Variants in KCNMA1 observed in about 807,000 individuals in gnomAD.
KCNMA1 encodes the protein potassium calcium-activated channel subfamily M alpha 1, also known as Calcium-activated potassium channel subunit alpha-1.
Under a neutral mutation model 140.0 loss-of-function variants are expected in KCNMA1, and 29 were observed. That is an observed-to-expected ratio of 0.21 (90% CI 0.15 to 0.28). The LOEUF is 0.28. Among genes scored for constraint, KCNMA1 ranks in the 10% least tolerant of loss-of-function variants. The pLI is 1.00. For missense variants in KCNMA1, 880 were observed against 1,602.2 expected, an observed-to-expected ratio of 0.55 and a Z score of 7.70; for synonymous variants, 612 against 611.9, an observed-to-expected ratio of 1.00 and a Z score of 0.00.
At position 77,614,465 on chromosome 10, in the gene KCNMA1, G is replaced by A. The variant is rs77254318; in HGVS notation, c.378+22800C>T. On this transcript the variant is annotated intron_variant, in intron 1 of 27. Transcript: ENST00000286628. ...CATGCGGAATTCTCCGGGGCTCATC[G>A]CCATCCCTCACCTAACCAGTGCTTT... 4.3e-3 allele frequency among the ~76,000 whole-genome samples: 655 copies of A among 152,304 alleles called. 1 individual carries two copies. The highest frequency in any genetic ancestry group is 0.034 in the Middle Eastern group (10 of 294).
At chr10:77,347,902 T>C (rs1243467687) in intron 2 of KCNMA1, among the ~76,000 whole-genome samples, 2 of 152,188 alleles carry the variant, frequency 1.3e-5, no homozygotes, top group Non-Finnish European at 2.9e-5. Context: ...CCCTGTGAAG[T>C]AGATGCTTTT....
chr10:77,548,902 T>C (rs1177695607), intron 1 of KCNMA1, among the ~76,000 whole-genome samples: 1 of 152,202 alleles, frequency 6.6e-6, no homozygotes, highest in Non-Finnish European at 1.5e-5. Context: ...ATTCCCTGCC[T>C]TGTGGAGCTT....
intron 1 of KCNMA1, among the ~76,000 whole-genome samples, chr10:77,495,823 A>C (rs2041711466): frequency 2.0e-5 from 3 of 152,104 alleles, no homozygotes; most frequent in Non-Finnish European, 4.4e-5. Context: ...AGACCCCCAC[A>C]CCAGGGACTG....
chr10:77,525,884 GTCCTGTCTAGTTTACA>G (rs2055423453), intron 1 of KCNMA1, among the ~76,000 whole-genome samples: 1 of 152,152 alleles, frequency 6.6e-6, no homozygotes, highest in Non-Finnish European at 1.5e-5. Context: ...CAGCTGGTGG[GTCCTGTCTAGTTTACA>G]TCAGGGCATT....
intron 14 of KCNMA1, among the ~76,000 whole-genome samples, chr10:77,058,865 A>G (rs1414030741): frequency 6.6e-6 from 1 of 152,026 alleles, no homozygotes; most frequent in Non-Finnish European, 1.5e-5. Context: ...AGAGGAGCAA[A>G]GTAAATCTAA....
chr10:77,252,850 C>T (rs2059944988), intron 2 of KCNMA1, among the ~76,000 whole-genome samples: 1 of 152,018 alleles, frequency 6.6e-6, no homozygotes, highest in African/African-American at 2.4e-5. Flanking sequence ...TAAAACAATA[C>T]ACCACTGAGG....
At chr10:77,079,654 G>A in intron 12 of KCNMA1, 104 bp from the exon 13 acceptor site, 1 of 800,488 alleles carries the variant, frequency 1.2e-6, no homozygotes, top group Non-Finnish European at 2.2e-6. Flanking sequence ...TGGGACTGAG[G>A]TAGGAGGCAG....
Position 77,201,704 on chromosome 10 carries a change from CT to C in KCNMA1, c.603-16789del, listed in dbSNP as rs143034305. Among the ~76,000 whole-genome samples, 18 of 152,178 alleles carry C rather than the reference CT, an allele frequency of 1.2e-4. No homozygotes were observed. The East Asian group carries it at 3.5e-3, about 29-fold the overall frequency. ...GCTTATTTTTAAGTTATTTCTTTTT[CT>C]TTTTAAAATTTGGTTTCTCACAAGA... On this transcript the variant is annotated intron_variant, in intron 3 of 27. Transcript: ENST00000286628.
rs866814356 is a variant in KCNMA1, at chr10:76,890,854, G to T, written c.3342+671C>A. Among the ~76,000 whole-genome samples, 4 of 152,172 alleles carry T rather than the reference G, an allele frequency of 2.6e-5. No individual in the cohort carries two copies. In the South Asian group the frequency reaches 8.3e-4, roughly 32 times the overall value. ...AGGGAGGACATGAGGGAACGTGACT[G>T]GGTCCACTCTCAGAAATTACAAGGT... On this transcript the variant is annotated intron_variant, in intron 26 of 27. Transcript: ENST00000286628.
intron 9 of KCNMA1, among the ~76,000 whole-genome samples, chr10:77,105,789 C>T (rs910355969): frequency 2.0e-5 from 3 of 152,170 alleles, no homozygotes; most frequent in Non-Finnish European, 1.5e-5. Flanking sequence ...AGAAATAGAA[C>T]AACTGTAGTT....
chr10:77,257,640 G>A (rs1167760399), intron 2 of KCNMA1, among the ~76,000 whole-genome samples: 1 of 152,198 alleles, frequency 6.6e-6, no homozygotes, highest in Non-Finnish European at 1.5e-5. Flanking sequence ...ATCTTATCTT[G>A]AACTGTCGCT....
At chr10:77,503,803 C>T (rs1047814276) in intron 1 of KCNMA1, among the ~76,000 whole-genome samples, 1 of 152,214 alleles carries the variant, frequency 6.6e-6, no homozygotes, top group African/African-American at 2.4e-5. Flanking sequence ...GTTTGAGCTG[C>T]CACAAGTGCT....
intron 1 of KCNMA1, among the ~76,000 whole-genome samples, chr10:77,525,760 G>A (rs757507761): frequency 3.3e-5 from 5 of 152,200 alleles, no homozygotes; most frequent in Non-Finnish European, 7.3e-5. Context: ...GCTATTCATG[G>A]AGGCAAAAGA....
intron 2 of KCNMA1, among the ~76,000 whole-genome samples, chr10:77,294,104 AG>A (rs1326664058): frequency 8.5e-5 from 13 of 152,392 alleles, no homozygotes; most frequent in African/African-American, 2.9e-4. Flanking sequence ...CAACGTGGAC[AG>A]ACAAAAGAAA....
intron 3 of KCNMA1, among the ~76,000 whole-genome samples, chr10:77,235,013 G>A (rs966772833): frequency 6.6e-6 from 1 of 152,112 alleles, no homozygotes; most frequent in African/African-American, 2.4e-5. Flanking sequence ...GCCACAGCAG[G>A]AAAACCCCTT....
intron 2 of KCNMA1, among the ~76,000 whole-genome samples, chr10:77,270,672 C>T (rs1257751459): frequency 5.5e-5 from 8 of 145,870 alleles, no homozygotes; most frequent in Non-Finnish European, 1.5e-5. Context: ...CAGGTGCACA[C>T]CACCACACCT....
In KCNMA1 at chr10:76,885,823, C is replaced by A. The variant is rs115167539; in HGVS notation, c.*1443G>T. On this transcript the variant is annotated 3_prime_UTR_variant, in exon 28 of 28. Transcript: ENST00000286628. Reference sequence around the variant, plus strand: ...GTATTTTTCTACCTCTCCTCTCATGCTTACTAAGTGTTAAAAAAGAAAGAA... The same window carrying A: ...GTATTTTTCTACCTCTCCTCTCATGATTACTAAGTGTTAAAAAAGAAAGAA... 6.6e-5 allele frequency: 65 copies of A among 984,998 alleles called. No homozygotes were observed. In the African/African-American group the frequency reaches 1.1e-3, roughly 17 times the overall value. The allele number at this position is 984,998 out of a possible 1,614,324, so 61.0% of individuals were successfully genotyped here. A position where few individuals can be genotyped will look rare whatever the true frequency, so the allele number is the denominator to read the frequency against.
At chr10:77,270,812 T>G (rs576983922) in intron 2 of KCNMA1, among the ~76,000 whole-genome samples, 1 of 152,220 alleles carries the variant, frequency 6.6e-6, no homozygotes, top group South Asian at 2.1e-4. Context: ...TTTAGAGGCT[T>G]GAGGGTAAAC....
At chr10:76,997,351 A>G (rs529653970) in intron 19 of KCNMA1, among the ~76,000 whole-genome samples, 2 of 152,382 alleles carry the variant, frequency 1.3e-5, no homozygotes, top group Admixed American at 1.3e-4. Flanking sequence ...AGGTTTAAAC[A>G]ATTAGTAAAT....
Sources: gnomAD v4.1 joint callset for allele counts (sites outside exome capture counted in the v4.1 genomes callset) on GRCh38, gnomAD v4.1.1 for gene constraint, MANE v1.5 for transcripts, NCBI Gene and HGNC (gene_info 2026-07-23, HGNC 2026-07-21) for gene names.